Variants in DEPDC1B observed in about 807,000 individuals in gnomAD.
DEPDC1B encodes the protein DEP domain containing 1B.
Under a neutral mutation model 66.5 loss-of-function variants are expected in DEPDC1B, and 51 were observed. That is an observed-to-expected ratio of 0.77 (90% confidence interval 0.61 to 0.97). DEPDC1B has a LOEUF of 0.97. DEPDC1B is among the 50% of genes least tolerant of loss of function. The pLI, the probability that DEPDC1B is intolerant of heterozygous loss-of-function variation, is 0.00. For synonymous variants in DEPDC1B, 226 were observed against 223.6 expected, an observed-to-expected ratio of 1.01 and a Z score of -0.10; for missense variants, 552 against 637.1, an observed-to-expected ratio of 0.87 and a Z score of 1.44.
intron 7 of DEPDC1B, among the ~76,000 whole-genome samples, chr5:60,618,137 T>C (rs1435421777): frequency 2.0e-5 from 3 of 152,068 alleles, no homozygotes; most frequent in African/African-American, 4.8e-5. Flanking sequence ...ACATTCAAAG[T>C]AGTTTGTAGT....
chr5:60,608,625 A>C (rs1752356371), intron 7 of DEPDC1B, among the ~76,000 whole-genome samples: 1 of 137,564 alleles, frequency 7.3e-6, no homozygotes, highest in East Asian at 2.1e-4. Context: ...TATATTTTAA[A>C]ATTAAGAGTA....
chr5:60,645,729 G>A, intron 3 of DEPDC1B, 110 bp from the exon 4 acceptor site: 4 of 1,164,458 alleles, frequency 3.4e-6, no homozygotes, highest in Admixed American at 2.8e-5. Flanking sequence ...TCTTTGATTT[G>A]GTTACTTGTA....
chr5:60,604,183 A>G (rs907580940), intron 8 of DEPDC1B, among the ~76,000 whole-genome samples: 3 of 144,428 alleles, frequency 2.1e-5, no homozygotes, highest in African/African-American at 7.5e-5. Flanking sequence ...TATAGCATCA[A>G]TGTAATAATT....
At chr5:60,602,248 G>GA (rs1319200649) in intron 9 of DEPDC1B, among the ~76,000 whole-genome samples, 5 of 150,902 alleles carry the variant, frequency 3.3e-5, no homozygotes, top group Non-Finnish European at 5.9e-5. Flanking sequence ...GACAGACACA[G>GA]AAAAAAAAAT....
At chr5:60,623,462 C>A (rs1752751138) in intron 7 of DEPDC1B, among the ~76,000 whole-genome samples, 1 of 152,056 alleles carries the variant, frequency 6.6e-6, no homozygotes, top group African/African-American at 2.4e-5. Flanking sequence ...TGTAAGTTCT[C>A]TAATTTTTTC....
chr5:60,613,424 G>A (rs1289218835), intron 7 of DEPDC1B, among the ~76,000 whole-genome samples: 1 of 152,172 alleles, frequency 6.6e-6, no homozygotes, highest in African/African-American at 2.4e-5. Context: ...AGCATAAAAT[G>A]TTCTAGGACT....
chr5:60,644,965 T>G (rs994726175), intron 4 of DEPDC1B, 90 bp from the exon 5 acceptor site: 1 of 1,057,890 alleles, frequency 9.5e-7, no homozygotes. Context: ...ATCTTTATAA[T>G]GCTTTATTTT....
chr5:60,642,962 A>G (rs1753225478), intron 5 of DEPDC1B, 103 bp from the exon 6 acceptor site: 1 of 790,856 alleles, frequency 1.3e-6, no homozygotes, highest in Non-Finnish European at 2.0e-6. Flanking sequence ...AATATGAACC[A>G]TATCTGCTAA....
chr5:60,654,805 A>G (rs1045571317), intron 2 of DEPDC1B, among the ~76,000 whole-genome samples: 11 of 148,884 alleles, frequency 7.4e-5, no homozygotes, highest in Admixed American at 4.7e-4. Context: ...CATCCCCTCT[A>G]GGCTGATTTT....
chr5:60,603,701 A>G, intron 8 of DEPDC1B, 134 bp from the exon 9 acceptor site: 1 of 835,242 alleles, frequency 1.2e-6, no homozygotes, highest in Non-Finnish European at 1.7e-6. Context: ...GTACCCAGCC[A>G]TCTCAGATGG....
At chr5:60,651,529 T>TCAA (rs1753451022) in intron 2 of DEPDC1B, among the ~76,000 whole-genome samples, 1 of 132,374 alleles carries the variant, frequency 7.6e-6, no homozygotes, top group Non-Finnish European at 1.6e-5. Flanking sequence ...AGACTCCACC[T>TCAA]AAAAAAAAAA....
intron 2 of DEPDC1B, among the ~76,000 whole-genome samples, chr5:60,668,510 A>C (rs1156965819): frequency 6.6e-6 from 1 of 151,776 alleles, no homozygotes; most frequent in Non-Finnish European, 1.5e-5. Flanking sequence ...CCTGGCCCTC[A>C]GGTGATCCGC....
intron 2 of DEPDC1B, among the ~76,000 whole-genome samples, chr5:60,657,459 A>G (rs191574005): frequency 7.9e-5 from 12 of 152,274 alleles, no homozygotes; most frequent in African/African-American, 2.2e-4. Context: ...CAGGATTTAG[A>G]GCTCCTTTTA....
At chr5:60,652,939 C>G (rs1753489243) in intron 2 of DEPDC1B, among the ~76,000 whole-genome samples, 1 of 149,168 alleles carries the variant, frequency 6.7e-6, no homozygotes, top group African/African-American at 2.5e-5. Flanking sequence ...TTATTTTGTT[C>G]CTTTTTATGG....
intron 8 of DEPDC1B, 77 bp from the exon 9 acceptor site, chr5:60,603,644 C>T: frequency 1.4e-6 from 2 of 1,429,184 alleles, no homozygotes; most frequent in Non-Finnish European, 1.9e-6. Flanking sequence ...TTGCAAAAGG[C>T]AAATATGAGA....
intron 4 of DEPDC1B, among the ~76,000 whole-genome samples, chr5:60,645,265 A>G (rs759264203): frequency 6.6e-6 from 1 of 152,196 alleles, no homozygotes; most frequent in Admixed American, 6.5e-5. Flanking sequence ...ATTTTCTATT[A>G]TGTGTCTTAT....
At chr5:60,611,414 A>C (rs1403476730) in intron 7 of DEPDC1B, among the ~76,000 whole-genome samples, 1 of 152,216 alleles carries the variant, frequency 6.6e-6, no homozygotes, top group Non-Finnish European at 1.5e-5. Context: ...TAAGTGTTCA[A>C]GTGAAAGAAG....
intron 2 of DEPDC1B, among the ~76,000 whole-genome samples, chr5:60,658,829 T>C (rs953583849): frequency 1.3e-5 from 2 of 152,120 alleles, no homozygotes; most frequent in African/African-American, 2.4e-5. Context: ...GCACACTCTT[T>C]TGGTCCATGT....
At position 60,638,881 on chromosome 5, in the gene DEPDC1B, C is replaced by G. The variant is rs746560300; in HGVS notation, c.767G>C (p.Cys256Ser). Residue 256 changes from cysteine to serine, a missense_variant, in exon 7 of 11, where the codon TGT becomes TCT. Physicochemically the swap from Cys to Ser is moderately radical, Grantham distance 112. Coordinates refer to ENST00000265036, the MANE Select transcript of DEPDC1B (RefSeq NM_018369.3). ...GTACATAGGCTGCTTCAAATCAGAA[C>G]AGTTGGGCCCTATTTTCAAAAAGAG... Reference protein sequence around the residue: ...AMKCLANWPNCSDLKQPMYLG... With the variant: ...AMKCLANWPNSSDLKQPMYLG... The G allele has an allele frequency of 1.7e-5, 27 of 1,607,872 alleles. No homozygotes were observed. Among genetic ancestry groups the G allele is most frequent in the Non-Finnish European group, 2.3e-5 (27 of 1,178,372 alleles).
Sources: allele counts gnomAD v4.1 joint callset (sites outside exome capture counted in the v4.1 genomes callset), GRCh38; gene constraint gnomAD v4.1.1; transcripts MANE v1.5; gene names NCBI Gene and HGNC (gene_info 2026-07-23, HGNC 2026-07-21).